The following SNTB1 variants were observed in gnomAD, a reference collection of about 807,000 sequenced individuals.
The protein encoded by SNTB1 is syntrophin beta 1, also known as beta-1-syntrophin.
In SNTB1, 36 loss-of-function variants were observed where a neutral mutation model predicts 48.9. The observed-to-expected ratio is 0.74, with a 90% CI of 0.56 to 0.97. The LOEUF is 0.97. Ranked by LOEUF, SNTB1 falls within the 50% of genes least tolerant of loss-of-function variation. SNTB1 has a pLI of 0.00. For missense variants in SNTB1, 786 were observed against 703.4 expected (o/e 1.12, Z -1.33); for synonymous variants, 299 against 294.6 (o/e 1.01, Z -0.15).
At chr8:120,711,148 A>G (rs1347621434) in intron 1 of SNTB1, among the ~76,000 whole-genome samples, 3 of 152,208 alleles carry the variant, frequency 2.0e-5, no homozygotes, top group Non-Finnish European at 4.4e-5. Context: ...GAGTTTTAAC[A>G]AGCCTGGGAC....
At chr8:120,770,820 A>C (rs1226671633) in intron 1 of SNTB1, among the ~76,000 whole-genome samples, 1 of 152,212 alleles carries the variant, frequency 6.6e-6, no homozygotes, top group Non-Finnish European at 1.5e-5. Context: ...TCTCAAAAAA[A>C]AATTTTTAAA....
chr8:120,658,027 CATA>C (rs1319616767), intron 2 of SNTB1, among the ~76,000 whole-genome samples: 3 of 152,196 alleles, frequency 2.0e-5, no homozygotes, highest in African/African-American at 4.8e-5. Flanking sequence ...AGTGCTTCAA[CATA>C]ATAACAGTAC....
At chr8:120,768,002 C>A (rs1397053457) in intron 1 of SNTB1, among the ~76,000 whole-genome samples, 7 of 152,140 alleles carry the variant, frequency 4.6e-5, no homozygotes, top group Admixed American at 1.3e-4. Context: ...AGCCAAGCAA[C>A]AATATCTTTC....
chr8:120,719,044 G>T (rs1032589218), intron 1 of SNTB1, among the ~76,000 whole-genome samples: 2 of 152,182 alleles, frequency 1.3e-5, no homozygotes, highest in African/African-American at 4.8e-5. Context: ...ACAGCAGAGG[G>T]ACTGAATAGA....
At chr8:120,566,358 G>C (rs560187709) in intron 4 of SNTB1, among the ~76,000 whole-genome samples, 7 of 145,482 alleles carry the variant, frequency 4.8e-5, no homozygotes, top group African/African-American at 1.5e-4. Flanking sequence ...AAAAAAGGGT[G>C]GGGGAGGCTT....
rs77395936 is a variant in SNTB1, at chr8:120,553,804, C to T, written c.1137-4846G>A. On this transcript the variant is annotated intron_variant, in intron 4 of 6. Transcript: ENST00000517992. Reference sequence around the variant, plus strand: ...CGTGAAGTTAGGCGTTTGAGACCAGCCTGACTAATATGGTGAAACCACGTC... The same window carrying T: ...CGTGAAGTTAGGCGTTTGAGACCAGTCTGACTAATATGGTGAAACCACGTC... Among the ~76,000 whole-genome samples the T allele has an allele frequency of 2.9e-3, 444 of 152,260 alleles. 2 individuals are homozygous for T. In the East Asian group the frequency reaches 0.041, roughly 14 times the overall value.
At chr8:120,782,886 G>A (rs1819853196) in intron 1 of SNTB1, among the ~76,000 whole-genome samples, 1 of 152,090 alleles carries the variant, frequency 6.6e-6, no homozygotes, top group African/African-American at 2.4e-5. Flanking sequence ...CACTCAGAAA[G>A]AAAAACAAGG....
rs1820450516 is a variant in SNTB1 at position 120,812,033 on chromosome 8, G to C, written c.-190C>G. The C allele has an allele frequency of 7.9e-7, 1 of 1,261,218 alleles. No individual in the cohort carries two copies. Among genetic ancestry groups the C allele is most frequent in the Non-Finnish European group, 9.9e-7 (1 of 1,008,492 alleles). The allele number at this position is 1,261,218 out of a possible 1,614,324, so 78.1% of individuals were successfully genotyped here. ...GGAGTTGGCAGCTGCACTCAGGCTG[G>C]TTCCCCCTCGCCTGATCCTGACCGG... On this transcript the variant is annotated 5_prime_UTR_variant, in exon 1 of 7. Transcript: ENST00000517992.
chr8:120,793,652 G>T (rs1012246550), intron 1 of SNTB1, among the ~76,000 whole-genome samples: 4 of 151,940 alleles, frequency 2.6e-5, no homozygotes, highest in Non-Finnish European at 4.4e-5. Flanking sequence ...GGTGCTTAGG[G>T]TCTAAGGAGT....
At chr8:120,585,382 T>A (rs949449162) in intron 3 of SNTB1, among the ~76,000 whole-genome samples, 3 of 152,222 alleles carry the variant, frequency 2.0e-5, no homozygotes, top group Admixed American at 1.3e-4. Context: ...TTTCTGTCGT[T>A]CTTTCCTGCC....
intron 2 of SNTB1, among the ~76,000 whole-genome samples, chr8:120,646,797 G>T (rs1181745677): frequency 2.0e-5 from 3 of 152,110 alleles, no homozygotes; most frequent in Non-Finnish European, 2.9e-5. Context: ...TCTGGTTCTG[G>T]ACTCTTTTTG....
intron 3 of SNTB1, among the ~76,000 whole-genome samples, chr8:120,586,097 A>G (rs2130701437): frequency 6.6e-6 from 1 of 152,330 alleles, no homozygotes; most frequent in Non-Finnish European, 1.5e-5. Context: ...AATTCATATT[A>G]TTACAGAGGA....
intron 3 of SNTB1, among the ~76,000 whole-genome samples, chr8:120,622,921 T>C (rs1816815965): frequency 6.6e-6 from 1 of 152,218 alleles, no homozygotes; most frequent in Non-Finnish European, 1.5e-5. Flanking sequence ...CCTTGGCTGA[T>C]GGGAATGGCC....
At chr8:120,697,743 C>T (rs1019097639) in intron 1 of SNTB1, among the ~76,000 whole-genome samples, 3 of 152,184 alleles carry the variant, frequency 2.0e-5, no homozygotes, top group Admixed American at 6.5e-5. Flanking sequence ...GTAAGTCTCA[C>T]GCATACTACA....
chr8:120,760,770 G>T (rs1819406688), intron 1 of SNTB1, among the ~76,000 whole-genome samples: 1 of 152,074 alleles, frequency 6.6e-6, no homozygotes, highest in Non-Finnish European at 1.5e-5. Flanking sequence ...GAGCCCATCT[G>T]ACCTGGAAAA....
intron 1 of SNTB1, among the ~76,000 whole-genome samples, chr8:120,734,297 T>C (rs12545393): frequency 0.072 from 10,871 of 151,672 alleles, 537 homozygotes; most frequent in East Asian, 0.18. Context: ...TACAAAAAAT[T>C]ATAGCCAGGC....
chr8:120,759,582 C>T (rs578186429), intron 1 of SNTB1, among the ~76,000 whole-genome samples: 127 of 152,294 alleles, frequency 8.3e-4, no homozygotes, highest in Admixed American at 1.7e-3. Context: ...GGAGCTGAAA[C>T]TTCTCAGTTC....
chr8:120,697,399 T>A (rs138964970), intron 1 of SNTB1, among the ~76,000 whole-genome samples: 2 of 152,336 alleles, frequency 1.3e-5, no homozygotes, highest in Admixed American at 1.3e-4. Context: ...AACTTATCAG[T>A]CAATTTTCAT....
At chr8:120,586,626 A>C (rs1218149684) in intron 3 of SNTB1, among the ~76,000 whole-genome samples, 2 of 152,168 alleles carry the variant, frequency 1.3e-5, no homozygotes, top group African/African-American at 4.8e-5. Flanking sequence ...TCAAGATCCT[A>C]AACTTCATCG....
Sources: allele counts gnomAD v4.1 joint callset (sites outside exome capture counted in the v4.1 genomes callset), GRCh38; gene constraint gnomAD v4.1.1; transcripts MANE v1.5; gene names NCBI Gene and HGNC (gene_info 2026-07-23, HGNC 2026-07-21).